WIPF1: variants seen among roughly 807,000 people sequenced by gnomAD.
WIPF1 encodes WAS/WASL interacting protein family member 1, also known as WAS/WASL-interacting protein family member 1.
WIPF1 carries 13 observed loss-of-function variants against 35.4 expected under a neutral mutation model. That is an observed-to-expected ratio of 0.37 (90% CI 0.24 to 0.58). The LOEUF (loss-of-function observed/expected upper bound fraction) is 0.58. Ranked by LOEUF, WIPF1 falls within the 20% of genes least tolerant of loss-of-function variation. The pLI, the probability that WIPF1 is intolerant of heterozygous loss-of-function variation, is 0.74. For synonymous variants in WIPF1, 267 were observed against 266.3 expected, an observed-to-expected ratio of 1.00 and a Z score of -0.02; for missense variants, 591 against 667.0, an observed-to-expected ratio of 0.89 and a Z score of 1.25.
chr2:174,659,698 T>A (rs562073110), intron 1 of WIPF1, among the ~76,000 whole-genome samples: 1 of 152,196 alleles, frequency 6.6e-6, no homozygotes, highest in African/African-American at 2.4e-5. Flanking sequence ...ACATTAGTGA[T>A]TACAGAACTC....
At position 174,562,615 on chromosome 2, in the gene WIPF1, A is replaced by G. The variant is rs1265013243; in HGVS notation, c.1457-13T>C. On this transcript the variant is annotated splice_polypyrimidine_tract_variant and intron_variant, in intron 7 of 7. Coordinates refer to ENST00000679041, the MANE Select transcript of WIPF1 (RefSeq NM_001375834.1). ...CGGTTGGATCCACCTTGGTGAAAAA[A>G]CAGACAAAATATAATTTTGGTTAGA... 6.2e-7 allele frequency: 1 copy of G among 1,614,010 alleles called. No homozygotes were observed. The highest frequency in any genetic ancestry group is 1.7e-5 in the Admixed American group (1 of 60,004).
At chr2:174,633,857 G>A (rs78604851) in intron 1 of WIPF1, among the ~76,000 whole-genome samples, 1,897 of 152,184 alleles carry the variant, frequency 0.012, 42 homozygotes, top group African/African-American at 0.043. Flanking sequence ...CTCTGGTGCC[G>A]GGAAAAGGAT....
intron 1 of WIPF1, among the ~76,000 whole-genome samples, chr2:174,636,098 C>A (rs926033840): frequency 6.6e-6 from 1 of 152,156 alleles, no homozygotes; most frequent in Admixed American, 6.5e-5. Flanking sequence ...ATTTTGCCAT[C>A]TTGGAGTCAG....
intron 1 of WIPF1, among the ~76,000 whole-genome samples, chr2:174,595,109 A>AAAAAAAATATATAT (rs1553529785): frequency 1.7e-4 from 10 of 57,748 alleles, no homozygotes; most frequent in Non-Finnish European, 2.8e-4. Flanking sequence ...AAAAAAAAAA[A>AAAAAAAATATATAT]ATATATATAT....
intron 1 of WIPF1, among the ~76,000 whole-genome samples, chr2:174,627,645 C>G (rs1306929770): frequency 6.6e-6 from 1 of 151,670 alleles, no homozygotes; most frequent in African/African-American, 2.4e-5. Flanking sequence ...CTGCTGGGCT[C>G]AAGTGATCCC....
chr2:174,615,090 A>G (rs1200631553), intron 1 of WIPF1, among the ~76,000 whole-genome samples: 2 of 152,244 alleles, frequency 1.3e-5, no homozygotes, highest in Non-Finnish European at 2.9e-5. Flanking sequence ...AGCTTTAAAA[A>G]AGTTTTAAAG....
At chr2:174,632,302 C>A (rs982375948) in intron 1 of WIPF1, among the ~76,000 whole-genome samples, 6 of 152,050 alleles carry the variant, frequency 3.9e-5, no homozygotes, top group African/African-American at 1.4e-4. Flanking sequence ...ATCTCAAACA[C>A]AATGGAACAC....
At chr2:174,563,166 T>G (rs1256516577) in intron 7 of WIPF1, among the ~76,000 whole-genome samples, 1 of 152,246 alleles carries the variant, frequency 6.6e-6, no homozygotes, top group Non-Finnish European at 1.5e-5. Flanking sequence ...TTTCTGACAG[T>G]AGCCATTCTA....
intron 1 of WIPF1, among the ~76,000 whole-genome samples, chr2:174,633,110 G>A (rs2105935832): frequency 6.6e-6 from 1 of 152,280 alleles, no homozygotes. Flanking sequence ...CGGGGTTTCT[G>A]AAACCACTAG....
At chr2:174,672,401 A>G (rs1688037503) in intron 1 of WIPF1, among the ~76,000 whole-genome samples, 2 of 152,346 alleles carry the variant, frequency 1.3e-5, no homozygotes, top group South Asian at 4.1e-4. Flanking sequence ...GGTGCAATAG[A>G]AAGACTTCAG....
intron 1 of WIPF1, among the ~76,000 whole-genome samples, chr2:174,614,958 A>G (rs1319023191): frequency 6.6e-6 from 1 of 152,258 alleles, no homozygotes; most frequent in East Asian, 1.9e-4. Flanking sequence ...AAAGATGAGA[A>G]TATCTCAAAA....
Position 174,632,709 on chromosome 2 carries a change from C to CAA in WIPF1, c.-38-47100_-38-47099dup, listed in dbSNP as rs71024821. ...AGGCGACAAGAGCAAAACTCCATCT[C>CAA]AAAAAAAAAAAAAAAAAAAAAAAAA... On this transcript the variant is annotated intron_variant, in intron 1 of 8. Transcript: ENST00000272746. Among the ~76,000 whole-genome samples the CAA allele has an allele frequency of 2.5e-3, 174 of 68,904 alleles. 2 individuals carry two copies. Among genetic ancestry groups the CAA allele is most frequent in the African/African-American group, 9.5e-3 (156 of 16,362 alleles). The allele number at this position is 68,904 out of a possible 152,430, so 45.2% of individuals were successfully genotyped here.
intron 1 of WIPF1, among the ~76,000 whole-genome samples, chr2:174,656,751 G>A (rs1687648629): frequency 6.6e-6 from 1 of 152,166 alleles, no homozygotes; most frequent in Non-Finnish European, 1.5e-5. Context: ...TGTGGATGAG[G>A]GCATAGAGGC....
At chr2:174,612,385 T>A (rs1015471195) in intron 1 of WIPF1, among the ~76,000 whole-genome samples, 1 of 152,236 alleles carries the variant, frequency 6.6e-6, no homozygotes, top group South Asian at 2.1e-4. Context: ...ATTTTAATAG[T>A]TGCATATCTC....
chr2:174,579,443 A>G lies in WIPF1; in HGVS notation c.181+1867T>C, dbSNP rs575359155. ...GTTATCACACATAACCATGGTCAAC[A>G]TTTTGACATACAGCCCAGGGAAGTT... On this transcript the variant is annotated intron_variant, in intron 3 of 7. Coordinates refer to ENST00000679041, the MANE Select transcript of WIPF1 (RefSeq NM_001375834.1). 1.5e-4 allele frequency among the ~76,000 whole-genome samples: 23 copies of G among 152,344 alleles called. No individual in the cohort carries two copies. The South Asian group carries it at 3.1e-3, about 21-fold the overall frequency.
chr2:174,588,320 C>G (rs1326068159), intron 1 of WIPF1, among the ~76,000 whole-genome samples: 1 of 152,088 alleles, frequency 6.6e-6, no homozygotes, highest in Non-Finnish European at 1.5e-5. Context: ...CCACGTTCAC[C>G]GATTAACTTT....
At chr2:174,580,950 G>T (rs539271031) in intron 3 of WIPF1, among the ~76,000 whole-genome samples, 1 of 152,324 alleles carries the variant, frequency 6.6e-6, no homozygotes, top group South Asian at 2.1e-4. Flanking sequence ...GGATGTGCCA[G>T]GTCTTGAACC....
intron 1 of WIPF1, chr2:174,677,087 G>A (rs559278169): frequency 5.3e-5 from 8 of 152,092 alleles, no homozygotes; most frequent in Non-Finnish European, 1.2e-4. Context: ...CTGGGAAGTC[G>A]AGGCTGCAGC....
chr2:174,583,460 C>G (rs552501249), intron 2 of WIPF1, among the ~76,000 whole-genome samples: 1 of 152,296 alleles, frequency 6.6e-6, no homozygotes, highest in Admixed American at 6.5e-5. Flanking sequence ...TAACTTCTCT[C>G]ATGTTCAGGG....
Sources: gnomAD v4.1 joint callset for allele counts (sites outside exome capture counted in the v4.1 genomes callset) on GRCh38, gnomAD v4.1.1 for gene constraint, MANE v1.5 for transcripts, NCBI Gene and HGNC (gene_info 2026-07-23, HGNC 2026-07-21) for gene names.